The following SLC3A1 variants were observed in gnomAD, a reference collection of about 807,000 sequenced individuals.
The protein encoded by SLC3A1 is amino acid transporter heavy chain SLC3A1.
In SLC3A1, 78 loss-of-function variants were observed where a neutral mutation model predicts 60.3. The observed-to-expected ratio is 1.29, with a 90% confidence interval of 1.08 to 1.56. SLC3A1 has a LOEUF of 1.56. Ranked by LOEUF, SLC3A1 falls within the 40% of genes most tolerant of loss-of-function variation. The pLI is 0.00. For missense variants in SLC3A1, 1,172 were observed against 858.9 expected (o/e 1.36, Z -4.56); for synonymous variants, 392 against 307.9 (o/e 1.27, Z -2.86).
intron 9 of SLC3A1, chr2:44,314,324 A>T: frequency 2.1e-6 from 1 of 483,976 alleles, no homozygotes; most frequent in East Asian, 3.6e-5. Context: ...CCATGCAGGC[A>T]GTAAGGAGAT....
chr2:44,278,153 C>G (rs1671392561), intron 1 of SLC3A1, among the ~76,000 whole-genome samples: 1 of 152,024 alleles, frequency 6.6e-6, no homozygotes, highest in Admixed American at 6.6e-5. Flanking sequence ...CAGAAATAAG[C>G]AGCCTGTCAG....
At chr2:44,321,806 G>T, downstream of SLC3A1, 6 of 1,613,826 alleles carry the variant, frequency 3.7e-6, no homozygotes, top group Non-Finnish European at 4.2e-6. Context: ...TCTGTCCACT[G>T]AGAGGGCCTT....
At chr2:44,302,385 T>G (rs374079513) in intron 6 of SLC3A1, among the ~76,000 whole-genome samples, 27 of 152,340 alleles carry the variant, frequency 1.8e-4, no homozygotes, top group African/African-American at 6.5e-4. Flanking sequence ...TCATTAAGTT[T>G]ACATAGATCA....
downstream of SLC3A1, chr2:44,321,917 G>T (rs1465034720): frequency 6.2e-7 from 1 of 1,607,622 alleles, no homozygotes; most frequent in Non-Finnish European, 8.5e-7. Context: ...GAGTTAACAT[G>T]TAGAACAATT....
intron 4 of SLC3A1, among the ~76,000 whole-genome samples, chr2:44,289,332 AC>A (rs1671687057): frequency 6.9e-6 from 1 of 144,174 alleles, no homozygotes; most frequent in African/African-American, 2.6e-5. Context: ...TACCTCAGCC[AC>A]CCAAGTAGCT....
At chr2:44,293,365 A>C (rs1431937903) in intron 4 of SLC3A1, among the ~76,000 whole-genome samples, 1 of 151,968 alleles carries the variant, frequency 6.6e-6, no homozygotes, top group African/African-American at 2.4e-5. Flanking sequence ...AAAAATACAA[A>C]AATTAGCCAG....
intron 9 of SLC3A1, among the ~76,000 whole-genome samples, chr2:44,315,605 G>T (rs1197988237): frequency 7.4e-6 from 1 of 135,414 alleles, no homozygotes; most frequent in African/African-American, 2.8e-5. Context: ...GCAGTGAGTT[G>T]TGATTACCCC....
intron 3 of SLC3A1, among the ~76,000 whole-genome samples, chr2:44,284,619 G>C (rs1254337498): frequency 1.3e-5 from 2 of 152,040 alleles, no homozygotes; most frequent in Non-Finnish European, 2.9e-5. Flanking sequence ...CTGAAGCATA[G>C]TGGCTCAATC....
intron 9 of SLC3A1, among the ~76,000 whole-genome samples, chr2:44,317,155 T>G (rs1672496026): frequency 6.6e-6 from 1 of 152,108 alleles, no homozygotes; most frequent in Non-Finnish European, 1.5e-5. Flanking sequence ...GACTATTACA[T>G]TAAATAGAAT....
chr2:44,292,550 G>A (rs1343983947), intron 4 of SLC3A1, among the ~76,000 whole-genome samples: 1 of 152,104 alleles, frequency 6.6e-6, no homozygotes, highest in Non-Finnish European at 1.5e-5. Context: ...AATTAAACAG[G>A]CGATTACAAT....
At chr2:44,286,475 G>A (rs527486786) in intron 4 of SLC3A1, among the ~76,000 whole-genome samples, 3 of 152,068 alleles carry the variant, frequency 2.0e-5, no homozygotes, top group East Asian at 1.9e-4. Flanking sequence ...AAGTTGCCCC[G>A]CCACCTGTGA....
At position 44,321,344 on chromosome 2, in the gene SLC3A1, G is replaced by C. The variant is rs1271835722; in HGVS notation, c.*705G>C. The C allele has an allele frequency of 2.5e-6, 4 of 1,583,110 alleles. No individual in the cohort carries two copies. Among genetic ancestry groups the C allele is most frequent in the Non-Finnish European group, 3.5e-6 (4 of 1,153,062 alleles). On this transcript the variant is annotated 3_prime_UTR_variant, in exon 10 of 10. Transcript: ENST00000260649. Reference sequence around the variant, plus strand: ...TTCAGTGTGTTTCCAATTCCCAGTTGAATGCAGTGTTTCAGAATTTCAGGT... The same window carrying C: ...TTCAGTGTGTTTCCAATTCCCAGTTCAATGCAGTGTTTCAGAATTTCAGGT...
At chr2:44,305,341 T>C (rs1031125839) in intron 7 of SLC3A1, among the ~76,000 whole-genome samples, 1 of 152,086 alleles carries the variant, frequency 6.6e-6, no homozygotes, top group African/African-American at 2.4e-5. Context: ...ATGTAAGCCC[T>C]GCTGCTTCAA....
chr2:44,297,277 G>A (rs552027905), intron 4 of SLC3A1, among the ~76,000 whole-genome samples: 9 of 152,306 alleles, frequency 5.9e-5, no homozygotes, highest in East Asian at 1.9e-4. Context: ...TGCCGGAGCC[G>A]GAGCAGGCCT....
In SLC3A1 at chr2:44,303,559, T is replaced by TGG. The variant is rs11344754; in HGVS notation, c.1137-577_1137-576dup. Among the ~76,000 whole-genome samples the TGG allele has an allele frequency of 1.7e-3, 250 of 151,248 alleles. 1 individual carries two copies. The highest frequency in any genetic ancestry group is 2.7e-3 in the South Asian group (13 of 4,762). ...GCACCCAAATGTGTTTCATTTTTTTTGGGGGGGGTGGATTTTTCTGCCTTA... is the reference window on the plus strand; with the variant it reads ...GCACCCAAATGTGTTTCATTTTTTTTGGGGGGGGGGTGGATTTTTCTGCCTTA... On this transcript the variant is annotated intron_variant, in intron 6 of 9. Transcript: ENST00000260649.
At chr2:44,281,655 G>A (rs1196503737) in intron 3 of SLC3A1, 114 bp downstream of exon 3, 1 of 961,340 alleles carries the variant, frequency 1.0e-6, no homozygotes, top group Admixed American at 2.0e-5. Context: ...TTATCGGAAG[G>A]GGGCAAGTTT....
intron 4 of SLC3A1, among the ~76,000 whole-genome samples, chr2:44,286,763 T>C (rs1671624410): frequency 6.8e-6 from 1 of 147,936 alleles, no homozygotes; most frequent in Non-Finnish European, 1.5e-5. Flanking sequence ...GCGGTGTCTG[T>C]GACGGTGAGC....
chr2:44,288,718 T>C (rs1671671582), intron 4 of SLC3A1, among the ~76,000 whole-genome samples: 1 of 152,268 alleles, frequency 6.6e-6, no homozygotes, highest in African/African-American at 2.4e-5. Context: ...ATCTCACTGG[T>C]TGTATTTGCC....
intron 4 of SLC3A1, among the ~76,000 whole-genome samples, chr2:44,287,327 A>G (rs1330828591): frequency 6.6e-6 from 1 of 152,134 alleles, no homozygotes; most frequent in Non-Finnish European, 1.5e-5. Context: ...CTGAAGTGAG[A>G]AAGGAACCAT....
Sources: allele counts gnomAD v4.1 joint callset (sites outside exome capture counted in the v4.1 genomes callset), GRCh38; gene constraint gnomAD v4.1.1; transcripts MANE v1.5; gene names NCBI Gene and HGNC (gene_info 2026-07-23, HGNC 2026-07-21).